The following APOOL variants were observed in gnomAD, a reference collection of about 807,000 sequenced individuals.
APOOL encodes the protein MICOS complex subunit MIC27.
Under a neutral mutation model 23.1 loss-of-function variants are expected in APOOL, and 12 were observed. The ratio of observed to expected loss-of-function variants is 0.52; its 90% CI spans 0.33 to 0.84. The LOEUF is 0.84. APOOL is among the 40% of genes least tolerant of loss of function. The pLI, the probability that APOOL is intolerant of heterozygous loss-of-function variation, is 0.02. For missense variants in APOOL, 212 were observed against 199.6 expected, an observed-to-expected ratio of 1.06 and a Z score of -0.37; for synonymous variants, 77 against 69.9, an observed-to-expected ratio of 1.10 and a Z score of -0.51.
At chrX:85,042,866 C>T (rs748609062) in intron 1 of APOOL, among the ~76,000 whole-genome samples, 2 of 111,820 alleles carry the variant, frequency 1.8e-5, no homozygotes, top group Non-Finnish European at 3.8e-5. Flanking sequence ...GGTGAAAAAG[C>T]ATTTGATAAA....
At position 85,088,116 on chromosome X, in the gene APOOL, G is replaced by A. The variant is rs1294146337; in HGVS notation, c.*438G>A. ...TACATATACATATTTATACATATAT[G>A]TATAAATACATACATATTTATACAT... On this transcript the variant is annotated 3_prime_UTR_variant, in exon 9 of 9. Transcript: ENST00000373173. 9 of 35,361 alleles carry A rather than the reference G, an allele frequency of 2.5e-4. 2 individuals carry two copies. The highest frequency in any genetic ancestry group is 1.4e-3 in the African/African-American group (9 of 6,654). 2.9% of individuals were successfully genotyped at this position (35,361 alleles called of 1,213,427 possible). A position where few individuals can be genotyped will look rare whatever the true frequency, so the allele number is the denominator to read the frequency against.
intron 1 of APOOL, among the ~76,000 whole-genome samples, chrX:85,011,735 CT>C (rs775641858): frequency 8.9e-6 from 1 of 111,917 alleles, no homozygotes. Context: ...GTTTTGGTAA[CT>C]GTAGCCTAGT....
chrX:85,037,772 C>T (rs1922263757), intron 1 of APOOL, among the ~76,000 whole-genome samples: 1 of 110,885 alleles, frequency 9.0e-6, no homozygotes, highest in African/African-American at 3.3e-5. Flanking sequence ...ACTGGTAAGC[C>T]GCACATAGAA....
At chrX:85,031,481 A>T (rs1922037001) in intron 1 of APOOL, among the ~76,000 whole-genome samples, 1 of 112,023 alleles carries the variant, frequency 8.9e-6, no homozygotes, top group South Asian at 3.7e-4. Flanking sequence ...TATATTTGTT[A>T]AACACCGGAT....
intron 8 of APOOL, among the ~76,000 whole-genome samples, chrX:85,077,694 G>C (rs1463203002): frequency 1.8e-5 from 2 of 111,572 alleles, no homozygotes; most frequent in African/African-American, 3.3e-5. Flanking sequence ...CTCTCTTCCA[G>C]AATGGTTGAA....
chrX:85,024,061 A>C (rs1291838994), intron 1 of APOOL, among the ~76,000 whole-genome samples: 1 of 111,435 alleles, frequency 9.0e-6, no homozygotes. Context: ...CTGCCTAGAT[A>C]CTTTTTTTCT....
At chrX:85,019,471 T>G (rs780959823) in intron 1 of APOOL, among the ~76,000 whole-genome samples, 1 of 112,405 alleles carries the variant, frequency 8.9e-6, no homozygotes, top group African/African-American at 3.2e-5. Flanking sequence ...TCCAGAACTG[T>G]AAGCAATACA....
chrX:85,029,274 A>G (rs1921951196), intron 1 of APOOL, among the ~76,000 whole-genome samples: 1 of 111,591 alleles, frequency 9.0e-6, no homozygotes, highest in African/African-American at 3.3e-5. Flanking sequence ...TATAAAAGCT[A>G]TATAACTTTG....
intron 1 of APOOL, among the ~76,000 whole-genome samples, chrX:85,008,098 A>G (rs1239798614): frequency 1.8e-5 from 2 of 111,615 alleles, no homozygotes; most frequent in Non-Finnish European, 3.8e-5. Context: ...CTCTGGGTTT[A>G]TGTATTTTTT....
In APOOL at chrX:85,021,236, C is replaced by A. The variant is rs1405666134; in HGVS notation, c.15+17309C>A. Among the ~76,000 whole-genome samples the A allele has an allele frequency of 2.7e-5, 3 of 110,194 alleles. No homozygotes were observed. The East Asian group carries it at 8.6e-4, about 32-fold the overall frequency. On this transcript the variant is annotated intron_variant, in intron 1 of 8. Transcript: ENST00000373173. The stretch of plus-strand genomic sequence containing the variant: ...AGGCTCCAGGAACACCCATGTATAC[C>A]CAGGACCCAGGCTGGCCCCAGAACC...
At chrX:85,086,261 C>T (rs1210484710) in intron 8 of APOOL, among the ~76,000 whole-genome samples, 1 of 111,738 alleles carries the variant, frequency 8.9e-6, no homozygotes, top group Non-Finnish European at 1.9e-5. Context: ...TTACCTCATT[C>T]ACTGGCTTTC....
intron 1 of APOOL, among the ~76,000 whole-genome samples, chrX:85,016,319 G>C (rs1280993766): frequency 9.3e-6 from 1 of 107,212 alleles, no homozygotes; most frequent in Non-Finnish European, 1.9e-5. Flanking sequence ...AGGGTTGCTG[G>C]GGGAGCTCTC....
chrX:85,007,622 T>C lies in APOOL; in HGVS notation c.15+3695T>C, dbSNP rs150982617. ...ATCATGGTGCTTGAGAAGCAAGGACTGTGCTGATCTCTCGGGTCTTCTGGA... is the reference window on the plus strand; with the variant it reads ...ATCATGGTGCTTGAGAAGCAAGGACCGTGCTGATCTCTCGGGTCTTCTGGA... On this transcript the variant is annotated intron_variant, in intron 1 of 8. Transcript: ENST00000373173. 5.3e-3 allele frequency among the ~76,000 whole-genome samples: 583 copies of C among 110,805 alleles called. 6 individuals carry two copies. Among genetic ancestry groups the C allele is most frequent in the African/African-American group, 0.018 (555 of 30,439 alleles).
chrX:85,018,492 G>C (rs1921553804), intron 1 of APOOL, among the ~76,000 whole-genome samples: 1 of 111,691 alleles, frequency 9.0e-6, no homozygotes, highest in South Asian at 3.8e-4. Context: ...AATTTGAGAT[G>C]ACATTTCAAC....
intron 6 of APOOL, among the ~76,000 whole-genome samples, chrX:85,067,667 C>CACACAT (rs1923511994): frequency 9.2e-6 from 1 of 108,840 alleles, no homozygotes; most frequent in African/African-American, 3.3e-5. Flanking sequence ...CACACACACA[C>CACACAT]GCACAGGAAC....
intron 1 of APOOL, among the ~76,000 whole-genome samples, chrX:85,035,092 C>G (rs1240637154): frequency 6.3e-5 from 7 of 111,634 alleles, no homozygotes; most frequent in Non-Finnish European, 1.3e-4. Flanking sequence ...GTATAATGTT[C>G]CCTTTTCTCA....
chrX:85,075,386 C>T (rs925417850), intron 8 of APOOL, among the ~76,000 whole-genome samples: 1 of 111,309 alleles, frequency 9.0e-6, no homozygotes, highest in Non-Finnish European at 1.9e-5. Flanking sequence ...TGGCCTAGAT[C>T]TTCTTGACAT....
At chrX:85,071,591 G>A (rs757800246) in intron 6 of APOOL, among the ~76,000 whole-genome samples, 5 of 110,733 alleles carry the variant, frequency 4.5e-5, no homozygotes, top group African/African-American at 1.6e-4. Flanking sequence ...AGAAATAAGA[G>A]GAATACCTGT....
At chrX:85,017,780 G>A (rs944373345) in intron 1 of APOOL, among the ~76,000 whole-genome samples, 2 of 111,593 alleles carry the variant, frequency 1.8e-5, no homozygotes, top group African/African-American at 6.5e-5. Context: ...TCTAGGCAAG[G>A]TTAAATCCTT....
Sources: gnomAD v4.1 joint callset for allele counts (sites outside exome capture counted in the v4.1 genomes callset) on GRCh38, gnomAD v4.1.1 for gene constraint, MANE v1.5 for transcripts, NCBI Gene and HGNC (gene_info 2026-07-23, HGNC 2026-07-21) for gene names.